HECW2: variants seen among roughly 807,000 people sequenced by gnomAD.
HECW2 encodes HECT, C2 and WW domain containing E3 ubiquitin protein ligase 2.
HECW2 carries 61 observed loss-of-function variants against 175.2 expected under a neutral mutation model. The ratio of observed to expected loss-of-function variants is 0.35; its 90% confidence interval spans 0.28 to 0.43. The LOEUF is 0.43. Among genes scored for constraint, HECW2 ranks in the 20% least tolerant of loss-of-function variants. The pLI, the probability that HECW2 is intolerant of heterozygous loss-of-function variation, is 1.00. For synonymous variants in HECW2, 671 were observed against 731.0 expected (o/e 0.92, Z 1.32); for missense variants, 1,524 against 2,000.5 (o/e 0.76, Z 4.54).
chr2:196,243,348 G>A (rs1207902647), intron 19 of HECW2, among the ~76,000 whole-genome samples: 3 of 151,856 alleles, frequency 2.0e-5, no homozygotes, highest in Non-Finnish European at 4.4e-5. Context: ...TGTATTTTTA[G>A]TAGGGTCATG....
Position 196,325,119 on chromosome 2 carries a change from A to G in HECW2, c.602T>C (p.Met201Thr), listed in dbSNP as rs1369589327. 6.2e-7 allele frequency: 1 copy of G among 1,606,316 alleles called. No individual in the cohort carries two copies. Among genetic ancestry groups the G allele is most frequent in the Admixed American group, 1.7e-5 (1 of 58,174 alleles). The change falls in exon 6 of 29, where the codon ATG (methionine) becomes ACG (threonine). Residue 201 changes from methionine (M) to threonine (T), a missense_variant. By Grantham distance (81) the Met-to-Thr change is moderately conservative. Transcript: ENST00000644978. ...AAGATAAGGGTCAGGATTGAAGAAC[A>G]TCCCTTTCTTTAGCCCAACTGCCCT... is the stretch of plus-strand genomic sequence containing the variant. The part of the protein sequence containing the change: ...DLRAVGLKKG[M>T]FFNPDPYLKM...
At position 196,271,201 on chromosome 2, in the gene HECW2, G is replaced by A. The variant is rs750483040; in HGVS notation, c.3327C>T (p.His1109=). 6.3e-7 allele frequency: 1 copy of A among 1,587,952 alleles called. No individual in the cohort carries two copies. The highest frequency in any genetic ancestry group is 8.6e-7 in the Non-Finnish European group (1 of 1,156,392). The part of the protein sequence containing the change: ...QERQPDLTRN[H]SLREKIQFIR... ...ACCAATATTATTGTTACCTGAGTGA[G>A]TGATTCCTGGTAAGATCAGGTTGAC... Residue 1109 remains histidine (H), a synonymous_variant, in exon 17 of 29, where the codon CAC becomes CAT. Transcript: ENST00000644978.
At chr2:196,298,360 G>GA (rs765043123) in intron 13 of HECW2, among the ~76,000 whole-genome samples, 2 of 151,950 alleles carry the variant, frequency 1.3e-5, no homozygotes, top group Admixed American at 6.6e-5. Context: ...AAAAAAGAAA[G>GA]AAAAAACCCA....
At chr2:196,339,453 T>G (rs1187570389) in intron 3 of HECW2, among the ~76,000 whole-genome samples, 1 of 152,246 alleles carries the variant, frequency 6.6e-6, no homozygotes, top group East Asian at 1.9e-4. Context: ...TATTCCTCAA[T>G]GATCACATAT....
chr2:196,339,021 C>G (rs1692650627), intron 3 of HECW2, among the ~76,000 whole-genome samples: 1 of 152,134 alleles, frequency 6.6e-6, no homozygotes, highest in Admixed American at 6.5e-5. Flanking sequence ...TGCTAAAACT[C>G]AGAAAAACAA....
chr2:196,491,517 CACACACACATAT>C, intron 1 of HECW2, among the ~76,000 whole-genome samples: 1 of 150,120 alleles, frequency 6.7e-6, no homozygotes, highest in African/African-American at 2.5e-5. Context: ...CACACACACA[CACACACACATAT>C]ACACACATAT....
At position 196,409,680 on chromosome 2, in the gene HECW2, T is replaced by C. The variant is rs183501110; in HGVS notation, c.292+23452A>G. ...ACATTTAGACTTAGGCTAGAGGCTC[T>C]CAGAGCATTTCTGGCCATTATTTGT... On this transcript the variant is annotated intron_variant, in intron 2 of 28. Transcript: ENST00000644978. Among the ~76,000 whole-genome samples, 347 of 152,366 alleles carry C rather than the reference T, an allele frequency of 2.3e-3. 2 individuals carry two copies. Among genetic ancestry groups the C allele is most frequent in the Non-Finnish European group, 4.0e-3 (274 of 68,038 alleles).
chr2:196,207,702 T>A (rs1276266804), intron 28 of HECW2, among the ~76,000 whole-genome samples: 1 of 152,206 alleles, frequency 6.6e-6, no homozygotes, highest in Non-Finnish European at 1.5e-5. Flanking sequence ...TCAACGTATA[T>A]CTCCCACAAG....
chr2:196,231,498 G>A (rs1688055218), intron 21 of HECW2, among the ~76,000 whole-genome samples: 1 of 152,180 alleles, frequency 6.6e-6, no homozygotes, highest in Admixed American at 6.5e-5. Flanking sequence ...TGTAAATAAA[G>A]TGTTACTGGA....
intron 1 of HECW2, among the ~76,000 whole-genome samples, chr2:196,512,802 G>A (rs967636448): frequency 1.3e-5 from 2 of 151,818 alleles, no homozygotes; most frequent in African/African-American, 4.8e-5. Context: ...CAATTCCCCT[G>A]CCTCAGTCTC....
intron 1 of HECW2, among the ~76,000 whole-genome samples, chr2:196,464,396 T>A (rs1696865890): frequency 6.6e-6 from 1 of 152,212 alleles, no homozygotes; most frequent in Non-Finnish European, 1.5e-5. Flanking sequence ...TGTTCTGTTT[T>A]ACTAATCATG....
chr2:196,459,220 G>A (rs1041415793), intron 1 of HECW2, among the ~76,000 whole-genome samples: 1 of 152,224 alleles, frequency 6.6e-6, no homozygotes, highest in Non-Finnish European at 1.5e-5. Context: ...CTTTGAGGCA[G>A]TAACACTGAG....
intron 1 of HECW2, among the ~76,000 whole-genome samples, chr2:196,546,820 C>CA (rs35116760): frequency 0.027 from 2,844 of 106,348 alleles, 25 homozygotes; most frequent in African/African-American, 0.036. Context: ...AGAAGGACAG[C>CA]AAAAAAAAAA....
At position 196,438,741 on chromosome 2, in the gene HECW2, T is replaced by C. The variant is rs1315582280; in HGVS notation, c.-35-5283A>G. Among the ~76,000 whole-genome samples the C allele has an allele frequency of 3.3e-5, 5 of 152,374 alleles. No homozygotes were observed. The East Asian group carries it at 5.8e-4, about 18-fold the overall frequency. On this transcript the variant is annotated intron_variant, in intron 1 of 28. Coordinates refer to ENST00000644978, the MANE Select transcript of HECW2 (RefSeq NM_001348768.2). ...TGAGCCAAATCTCTAATAGGAATCA[T>C]TGTTCAATCCTGTTATATGAAGACA... is the stretch of plus-strand genomic sequence containing the variant.
intron 28 of HECW2, among the ~76,000 whole-genome samples, chr2:196,211,114 T>G (rs1687267014): frequency 6.6e-6 from 1 of 152,134 alleles, no homozygotes; most frequent in African/African-American, 2.4e-5. Context: ...TTTCAAAAAT[T>G]AACGCTTTTC....
At chr2:196,514,956 T>C in intron 1 of HECW2, among the ~76,000 whole-genome samples, 1 of 152,104 alleles carries the variant, frequency 6.6e-6, no homozygotes, top group East Asian at 1.9e-4. Flanking sequence ...GCTTACCACA[T>C]TACAGGTCCA....
At chr2:196,325,940 A>T (rs1294668626) in intron 5 of HECW2, among the ~76,000 whole-genome samples, 1 of 152,234 alleles carries the variant, frequency 6.6e-6, no homozygotes. Flanking sequence ...TCAGGCTAAG[A>T]GACACAAACA....
intron 1 of HECW2, among the ~76,000 whole-genome samples, 162 bp from the exon 2 acceptor site, chr2:196,433,620 T>C (rs944033873): frequency 1.3e-5 from 2 of 152,294 alleles, no homozygotes; most frequent in Admixed American, 6.5e-5. Context: ...AATGATGATG[T>C]CAGAAACAGC....
intron 2 of HECW2, among the ~76,000 whole-genome samples, chr2:196,351,381 T>C (rs953287116): frequency 2.6e-5 from 4 of 152,142 alleles, no homozygotes; most frequent in African/African-American, 7.2e-5. Context: ...TAAGAGAATA[T>C]ATAGGAAACA....
Sources: gnomAD v4.1 joint callset for allele counts (sites outside exome capture counted in the v4.1 genomes callset) on GRCh38, gnomAD v4.1.1 for gene constraint, MANE v1.5 for transcripts, NCBI Gene and HGNC (gene_info 2026-07-23, HGNC 2026-07-21) for gene names.